Variants in TMEM132D observed in about 807,000 individuals in gnomAD.
TMEM132D encodes mature OL transmembrane protein.
A neutral mutation model predicts 62.3 loss-of-function variants in TMEM132D; 21 were observed. The observed-to-expected ratio is 0.34, with a 90% CI of 0.24 to 0.49. The LOEUF (loss-of-function observed/expected upper bound fraction) is 0.49. TMEM132D is among the 20% of genes least tolerant of loss of function. TMEM132D has a pLI of 0.99. For missense variants in TMEM132D, 1,346 were observed against 1,402.8 expected (o/e 0.96, Z 0.65); for synonymous variants, 621 against 575.6 (o/e 1.08, Z -1.13).
At chr12:129,265,574 A>G (rs1880665846) in intron 4 of TMEM132D, among the ~76,000 whole-genome samples, 1 of 151,966 alleles carries the variant, frequency 6.6e-6, no homozygotes, top group African/African-American at 2.4e-5. Flanking sequence ...CTGCGCACGG[A>G]GGGTCCTGCC....
chr12:129,835,155 C>T (rs1356860955), intron 1 of TMEM132D, among the ~76,000 whole-genome samples: 2 of 152,068 alleles, frequency 1.3e-5, no homozygotes, highest in African/African-American at 2.4e-5. Flanking sequence ...TGAGAAACAG[C>T]CCTAGTGCAA....
At chr12:129,547,060 T>C (rs1876757031) in intron 2 of TMEM132D, among the ~76,000 whole-genome samples, 1 of 152,142 alleles carries the variant, frequency 6.6e-6, no homozygotes, top group African/African-American at 2.4e-5. Flanking sequence ...CAGAAATCAC[T>C]AGCTCTCAAG....
chr12:129,723,124 T>A (rs191437328), intron 1 of TMEM132D, among the ~76,000 whole-genome samples: 1 of 152,356 alleles, frequency 6.6e-6, no homozygotes, highest in Non-Finnish European at 1.5e-5. Flanking sequence ...TAACATGGAC[T>A]GATAGGAAAT....
intron 2 of TMEM132D, among the ~76,000 whole-genome samples, chr12:129,669,508 C>G (rs533890473): frequency 4.1e-4 from 62 of 152,040 alleles, no homozygotes; most frequent in Non-Finnish European, 6.9e-4. Context: ...AGTTCGAGAC[C>G]AGGCTGGCCA....
chr12:129,314,842 G>A (rs1490215388), intron 4 of TMEM132D, among the ~76,000 whole-genome samples: 1 of 151,742 alleles, frequency 6.6e-6, no homozygotes, highest in African/African-American at 2.4e-5. Context: ...TCGACTTCTT[G>A]GTTCAGTATA....
intron 3 of TMEM132D, among the ~76,000 whole-genome samples, chr12:129,401,499 G>A (rs554737702): frequency 1.3e-5 from 2 of 152,254 alleles, no homozygotes; most frequent in Non-Finnish European, 2.9e-5. Flanking sequence ...AGCCTGGGAG[G>A]TGGAGGCTGC....
intron 2 of TMEM132D, among the ~76,000 whole-genome samples, chr12:129,671,779 G>A (rs561060399): frequency 2.6e-5 from 4 of 152,254 alleles, no homozygotes; most frequent in Admixed American, 6.5e-5. Context: ...AAGCTACTTT[G>A]TAAATTTAGG....
chr12:129,256,922 A>C (rs1210201022), intron 4 of TMEM132D, among the ~76,000 whole-genome samples: 4 of 152,244 alleles, frequency 2.6e-5, no homozygotes. Context: ...GATCCCAGGT[A>C]CCATAAAAAA....
At chr12:129,644,984 TAAAAAAA>T (rs749612311) in intron 2 of TMEM132D, among the ~76,000 whole-genome samples, 9 of 63,416 alleles carry the variant, frequency 1.4e-4, no homozygotes, top group South Asian at 1.5e-3. Flanking sequence ...ATAGTCCATC[TAAAAAAA>T]AAAAAAAAAA....
At chr12:129,744,673 C>T (rs12422574) in intron 1 of TMEM132D, among the ~76,000 whole-genome samples, 3,191 of 152,136 alleles carry the variant, frequency 0.021, 190 homozygotes, top group East Asian at 0.14. Context: ...TGAGAGTGAG[C>T]ACTTCCCTAA....
chr12:129,168,788 C>T (rs1877635480), intron 5 of TMEM132D, among the ~76,000 whole-genome samples: 1 of 152,142 alleles, frequency 6.6e-6, no homozygotes, highest in Admixed American at 6.5e-5. Flanking sequence ...CAAAAGGTAT[C>T]CAGATATTGC....
intron 6 of TMEM132D, among the ~76,000 whole-genome samples, chr12:129,083,534 T>C (rs1431257563): frequency 2.0e-5 from 3 of 152,152 alleles, no homozygotes; most frequent in Non-Finnish European, 4.4e-5. Flanking sequence ...GAAAGAATCA[T>C]TGCTGAAGCC....
chr12:129,753,798 C>T (rs1870076137), intron 1 of TMEM132D, among the ~76,000 whole-genome samples: 1 of 152,232 alleles, frequency 6.6e-6, no homozygotes. Flanking sequence ...GCATGCAGGG[C>T]ACCCTGCTAA....
intron 2 of TMEM132D, among the ~76,000 whole-genome samples, chr12:129,629,934 A>G (rs1245096867): frequency 6.6e-6 from 1 of 152,238 alleles, no homozygotes; most frequent in Non-Finnish European, 1.5e-5. Flanking sequence ...CTCAAGATCA[A>G]GATGTGCTTC....
At chr12:129,418,233 A>G (rs1406824639) in intron 3 of TMEM132D, among the ~76,000 whole-genome samples, 7 of 152,238 alleles carry the variant, frequency 4.6e-5, no homozygotes, top group Non-Finnish European at 7.3e-5. Flanking sequence ...AGGATGATAA[A>G]TCATTCTACT....
chr12:129,207,557 AAG>A (rs1278927841), intron 5 of TMEM132D, among the ~76,000 whole-genome samples: 4 of 152,038 alleles, frequency 2.6e-5, no homozygotes, highest in East Asian at 1.9e-4. Flanking sequence ...CATCCAGGGA[AAG>A]AGAGTTAAAG....
At chr12:129,625,525 C>A (rs947996451) in intron 2 of TMEM132D, among the ~76,000 whole-genome samples, 2 of 152,194 alleles carry the variant, frequency 1.3e-5, no homozygotes, top group Non-Finnish European at 2.9e-5. Context: ...GACATGTTCA[C>A]TAGCTCTGGT....
intron 3 of TMEM132D, among the ~76,000 whole-genome samples, chr12:129,352,472 C>A (rs910581850): frequency 6.7e-6 from 1 of 150,200 alleles, no homozygotes; most frequent in Non-Finnish European, 1.5e-5. Flanking sequence ...AGTGAACAGG[C>A]AACCTACTGA....
chr12:129,438,257 A>C (rs984812862), intron 3 of TMEM132D, among the ~76,000 whole-genome samples: 3 of 152,206 alleles, frequency 2.0e-5, no homozygotes, highest in African/African-American at 7.2e-5. Context: ...GTATATACCC[A>C]GTAATGGGAT....
Sources: allele counts gnomAD v4.1 joint callset (sites outside exome capture counted in the v4.1 genomes callset), GRCh38; gene constraint gnomAD v4.1.1; transcripts MANE v1.5; gene names NCBI Gene and HGNC (gene_info 2026-07-23, HGNC 2026-07-21).